Variants in COL10A1 observed in about 807,000 individuals in gnomAD.
COL10A1 encodes collagen alpha-1(X) chain.
In COL10A1, 10 loss-of-function variants were observed where a neutral mutation model predicts 18.2. The observed-to-expected ratio is 0.55, with a 90% CI of 0.34 to 0.93. COL10A1 has a LOEUF of 0.93. Among genes scored for constraint, COL10A1 ranks in the 40% least tolerant of loss-of-function variants. The probability of loss-of-function intolerance (pLI) is 0.02; values close to 1 mark genes in which losing one functional copy is unlikely to be tolerated. For synonymous variants in COL10A1, 330 were observed against 316.6 expected (o/e 1.04, Z -0.45); for missense variants, 897 against 853.5 (o/e 1.05, Z -0.64).
the COL10A1 span, among the ~76,000 whole-genome samples, chr6:116,202,087 AG>A: frequency 2.6e-5 from 4 of 151,948 alleles, no homozygotes; most frequent in East Asian, 5.8e-4. Flanking sequence ...TGTGGCAGGG[AG>A]TTGCAGGAAC....
At chr6:116,135,417 C>T (rs761352052) in intron 1 of COL10A1, among the ~76,000 whole-genome samples, 6 of 151,798 alleles carry the variant, frequency 4.0e-5, no homozygotes, top group Non-Finnish European at 8.8e-5. Flanking sequence ...AACCGCCCCC[C>T]CCACCTTTTT....
chr6:116,145,351 TAA>T, intron 1 of COL10A1: 1 of 268,186 alleles, frequency 3.7e-6, no homozygotes. Context: ...TATGAAATGC[TAA>T]AAAAAAATCA....
the COL10A1 span, among the ~76,000 whole-genome samples, chr6:116,166,419 A>G: frequency 5.7e-3 from 868 of 152,328 alleles, 17 homozygotes; most frequent in South Asian, 0.047. Flanking sequence ...TGGATCAACC[A>G]ATCTTCAACA....
upstream of COL10A1, among the ~76,000 whole-genome samples, chr6:116,162,656 TGCTGTTGGATTCAGTTTGCTA>T (rs1426731273): frequency 6.6e-6 from 1 of 152,346 alleles, no homozygotes; most frequent in East Asian, 1.9e-4. Flanking sequence ...CTTTTTGATG[TGCTGTTGGATTCAGTTTGCTA>T]GTATTTTGTT....
upstream of COL10A1, among the ~76,000 whole-genome samples, chr6:116,163,679 G>GT (rs1357028998): frequency 3.9e-5 from 6 of 151,968 alleles, no homozygotes; most frequent in Admixed American, 6.6e-5. Flanking sequence ...GTTCGTTCTT[G>GT]TTTTTCTAGT....
chr6:116,134,662 A>G (rs544717185), intron 1 of COL10A1, among the ~76,000 whole-genome samples: 2 of 152,290 alleles, frequency 1.3e-5, no homozygotes, highest in Admixed American at 1.3e-4. Context: ...CCTTACCTTA[A>G]AATAATAACT....
At chr6:116,166,022 C>CACTG in the COL10A1 span, among the ~76,000 whole-genome samples, 1 of 152,196 alleles carries the variant, frequency 6.6e-6, no homozygotes, top group Non-Finnish European at 1.5e-5. Flanking sequence ...CCTAAATCCG[C>CACTG]ACTGACAGCA....
the COL10A1 span, among the ~76,000 whole-genome samples, chr6:116,190,263 T>C: frequency 6.6e-6 from 1 of 152,050 alleles, no homozygotes; most frequent in Non-Finnish European, 1.5e-5. Flanking sequence ...AAATTATCTA[T>C]GTATTTTTTC....
the COL10A1 span, among the ~76,000 whole-genome samples, chr6:116,166,155 G>A: frequency 1.3e-5 from 2 of 152,132 alleles, no homozygotes; most frequent in Non-Finnish European, 2.9e-5. Flanking sequence ...AGAGGTTCTC[G>A]GGAGTCAATC....
chr6:116,189,223 A>G, the COL10A1 span, among the ~76,000 whole-genome samples: 1 of 151,640 alleles, frequency 6.6e-6, no homozygotes, highest in South Asian at 2.1e-4. Context: ...TAAAAGTTTT[A>G]CTTCTATTTA....
chr6:116,207,180 A>G, the COL10A1 span, among the ~76,000 whole-genome samples: 3 of 152,006 alleles, frequency 2.0e-5, no homozygotes, highest in African/African-American at 7.2e-5. Flanking sequence ...CCCTGCCTAC[A>G]GCAGATTTCT....
chr6:116,140,149 C>G (rs1224821566), intron 1 of COL10A1, among the ~76,000 whole-genome samples: 3 of 152,178 alleles, frequency 2.0e-5, no homozygotes, highest in Admixed American at 2.0e-4. Flanking sequence ...TCAAAGGCTA[C>G]TTTGGCATTT....
the COL10A1 span, among the ~76,000 whole-genome samples, chr6:116,188,504 CAG>C: frequency 2.0e-5 from 3 of 151,796 alleles, no homozygotes; most frequent in Admixed American, 6.6e-5. Flanking sequence ...ATCTTAAAAA[CAG>C]AAAATGAGAG....
the COL10A1 span, among the ~76,000 whole-genome samples, chr6:116,187,988 T>G: frequency 2.6e-4 from 40 of 152,116 alleles, 2 homozygotes; most frequent in South Asian, 8.1e-3. Flanking sequence ...AAAAAAGACC[T>G]ATAAATCAGT....
chr6:116,142,732 T>A (rs1779798183), intron 1 of COL10A1, among the ~76,000 whole-genome samples: 1 of 152,114 alleles, frequency 6.6e-6, no homozygotes, highest in Admixed American at 6.5e-5. Flanking sequence ...CCTTGAAAAA[T>A]AGAATTTGGG....
the COL10A1 span, among the ~76,000 whole-genome samples, chr6:116,197,821 A>G: frequency 6.6e-6 from 1 of 152,184 alleles, no homozygotes; most frequent in South Asian, 2.1e-4. Flanking sequence ...TTTCTTCTTT[A>G]TGTTTGCTAC....
intron 1 of COL10A1, among the ~76,000 whole-genome samples, chr6:116,156,076 T>A (rs1780185588): frequency 6.6e-6 from 1 of 152,210 alleles, no homozygotes; most frequent in Admixed American, 6.5e-5. Context: ...AATCATGCCA[T>A]CACTTAAAAA....
At chr6:116,140,824 A>T (rs1406893373) in intron 1 of COL10A1, among the ~76,000 whole-genome samples, 2 of 151,982 alleles carry the variant, frequency 1.3e-5, no homozygotes, top group African/African-American at 2.4e-5. Flanking sequence ...CTGTTTATTC[A>T]TTTTTCACTG....
At chr6:116,199,964 A>G in the COL10A1 span, among the ~76,000 whole-genome samples, 1 of 146,082 alleles carries the variant, frequency 6.8e-6, no homozygotes. Context: ...TAGCCTGTGC[A>G]TTGTACTTCC....
Sources: gnomAD v4.1 joint callset for allele counts (sites outside exome capture counted in the v4.1 genomes callset) on GRCh38, gnomAD v4.1.1 for gene constraint, MANE v1.5 for transcripts, NCBI Gene and HGNC (gene_info 2026-07-23, HGNC 2026-07-21) for gene names.